Variants in EFCAB6 observed in about 807,000 individuals in gnomAD.
EFCAB6 encodes EF-hand calcium-binding domain-containing protein 6.
In EFCAB6, 156 loss-of-function variants were observed where a neutral mutation model predicts 169.8. The observed-to-expected ratio is 0.92, with a 90% CI of 0.81 to 1.05. The LOEUF is 1.05. EFCAB6 is among the 50% of genes least tolerant of loss of function. EFCAB6 has a pLI of 0.00. For missense variants in EFCAB6, 1,800 were observed against 1,829.1 expected, an observed-to-expected ratio of 0.98 and a Z score of 0.29; for synonymous variants, 698 against 676.4, an observed-to-expected ratio of 1.03 and a Z score of -0.50.
chr22:43,621,175 A>G (rs1429131034), intron 20 of EFCAB6, among the ~76,000 whole-genome samples: 2 of 149,956 alleles, frequency 1.3e-5, no homozygotes, highest in African/African-American at 4.9e-5. Context: ...TGCAACATCC[A>G]CCTCCCAGGT....
In EFCAB6 at chr22:43,572,676, G is replaced by A. The variant is rs1314527208; in HGVS notation, c.3420+3621C>T. 6.6e-6 allele frequency among the ~76,000 whole-genome samples: 1 copy of A among 151,994 alleles called. No individual in the cohort carries two copies. The highest frequency in any genetic ancestry group is 1.5e-5 in the Non-Finnish European group (1 of 67,972). ...TCACTGCTCACTCCCTCCCCTCCTCGTCGCTCGGATGTCACCCCTCGACAG... is the reference window on the plus strand; with the variant it reads ...TCACTGCTCACTCCCTCCCCTCCTCATCGCTCGGATGTCACCCCTCGACAG... On this transcript the variant is annotated intron_variant, in intron 26 of 31. Coordinates refer to ENST00000262726, the MANE Select transcript of EFCAB6 (RefSeq NM_022785.4). The surrounding 1 kb of genome is among the most constrained non-coding windows in gnomAD (Gnocchi z 4.0).
At chr22:43,546,980 TA>T (rs1433133592) in intron 27 of EFCAB6, among the ~76,000 whole-genome samples, 1 of 152,120 alleles carries the variant, frequency 6.6e-6, no homozygotes, top group Admixed American at 6.5e-5. Flanking sequence ...TGGGCGAACT[TA>T]AGATCATAAC....
At chr22:43,782,404 T>C in intron 2 of EFCAB6, 79 bp from the exon 3 acceptor site, 1 of 1,263,758 alleles carries the variant, frequency 7.9e-7, no homozygotes. Flanking sequence ...ATCTATTCCT[T>C]TTCTGAAGGG....
chr22:43,751,644 A>C (rs1369461778), intron 6 of EFCAB6, among the ~76,000 whole-genome samples: 2 of 152,180 alleles, frequency 1.3e-5, no homozygotes, highest in African/African-American at 4.8e-5. Context: ...CCAAATGCCC[A>C]CTTGAAGTAG....
chr22:43,573,358 C>T (rs2050016685), intron 26 of EFCAB6, among the ~76,000 whole-genome samples: 1 of 152,100 alleles, frequency 6.6e-6, no homozygotes. Context: ...AAAAAAAAGA[C>T]TTGCAAGAGT....
At chr22:43,771,733 C>T (rs1262181299) in intron 4 of EFCAB6, among the ~76,000 whole-genome samples, 1 of 152,158 alleles carries the variant, frequency 6.6e-6, no homozygotes, top group Non-Finnish European at 1.5e-5. Flanking sequence ...GGCCTTCATC[C>T]TCCACATCCC....
At chr22:43,626,291 G>A (rs137722) in intron 20 of EFCAB6, among the ~76,000 whole-genome samples, 156 bp downstream of exon 20, 102,847 of 152,112 alleles carry the variant, frequency 0.68, 35,222 homozygotes, top group East Asian at 0.97. Context: ...TCTACACTGA[G>A]TGCATATTTC....
At chr22:43,531,063 C>G in intron 30 of EFCAB6, 99 bp from the exon 31 acceptor site, 1 of 1,508,282 alleles carries the variant, frequency 6.6e-7, no homozygotes, top group Non-Finnish European at 9.1e-7. Flanking sequence ...AGCCCTGCTC[C>G]GGCTTCACCT....
At chr22:43,581,991 C>A (rs1192852295) in intron 24 of EFCAB6, among the ~76,000 whole-genome samples, 1 of 152,128 alleles carries the variant, frequency 6.6e-6, no homozygotes, top group Admixed American at 6.5e-5. Flanking sequence ...TTACAAGTAA[C>A]AGAGATGTTT....
At chr22:43,802,593 C>G in intron 2 of EFCAB6, 1 of 443,974 alleles carries the variant, frequency 2.3e-6, no homozygotes, top group Middle Eastern at 6.5e-4. Context: ...AGCTTGTCTG[C>G]TAAACCTGCT....
intron 22 of EFCAB6, among the ~76,000 whole-genome samples, chr22:43,607,230 C>G (rs2052988879): frequency 6.6e-6 from 1 of 152,176 alleles, no homozygotes; most frequent in Admixed American, 6.5e-5. Flanking sequence ...GCCTGCTGAA[C>G]AAGAATGTCT....
chr22:43,612,753 G>A (rs2053405432), intron 21 of EFCAB6, among the ~76,000 whole-genome samples: 1 of 152,026 alleles, frequency 6.6e-6, no homozygotes, highest in Admixed American at 6.6e-5. Context: ...AATTAGCCAG[G>A]CATGGTGGCA....
At chr22:43,688,011 G>A (rs1178892917) in intron 10 of EFCAB6, among the ~76,000 whole-genome samples, 10 of 152,176 alleles carry the variant, frequency 6.6e-5, no homozygotes, top group Admixed American at 2.6e-4. Context: ...GGTGGAGGGC[G>A]GATCTGGAGA....
Position 43,691,022 on chromosome 22 carries a change from A to G in EFCAB6, c.1032-3441T>C, listed in dbSNP as rs138563499. On this transcript the variant is annotated intron_variant, in intron 10 of 31. Coordinates refer to ENST00000262726, the MANE Select transcript of EFCAB6 (RefSeq NM_022785.4). ...CTTCTATAGCATTTTTGCTATGATT[A>G]TGATTATGGCAGCTAATACTTGATA... is the stretch of plus-strand genomic sequence containing the variant. 4.2e-3 allele frequency among the ~76,000 whole-genome samples: 637 copies of G among 152,116 alleles called. 3 individuals are homozygous for G. Among genetic ancestry groups the G allele is most frequent in the Middle Eastern group, 0.014 (4 of 294 alleles).
intron 15 of EFCAB6, among the ~76,000 whole-genome samples, chr22:43,671,199 T>C (rs776924837): frequency 2.4e-4 from 37 of 152,082 alleles, no homozygotes; most frequent in Admixed American, 1.5e-3. Context: ...CTTCTGTTTT[T>C]GTTTTTTGTT....
In EFCAB6 at chr22:43,528,858, G is replaced by A; in HGVS notation, c.4501C>T (p.Gln1501Ter). ...SYNDFLRAFL[Q>*] ...TGGGCACACAGCAGGGGTGTCTACT[G>A]GAGGAATGCCCGGAGGAAGTCGTTG... The change falls in exon 32 of 32, where the codon CAG becomes TAG. Residue 1501 changes from glutamine to a stop codon, truncating the protein, a stop_gained. Coordinates refer to ENST00000262726, the MANE Select transcript of EFCAB6 (RefSeq NM_022785.4). LOFTEE classifies it high-confidence loss of function. 6.2e-7 allele frequency: 1 copy of A among 1,607,180 alleles called. No homozygotes were observed. Among genetic ancestry groups the A allele is most frequent in the South Asian group, 1.1e-5 (1 of 90,742 alleles).
At chr22:43,561,726 G>A (rs1012580526) in intron 26 of EFCAB6, among the ~76,000 whole-genome samples, 2 of 152,226 alleles carry the variant, frequency 1.3e-5, no homozygotes, top group African/African-American at 4.8e-5. Context: ...ATGGCTCTTG[G>A]TCTGGCGCTT....
rs377416917 is a variant in EFCAB6, at chr22:43,716,817, T to C, written c.882+31A>G. 2.5e-6 allele frequency: 4 copies of C among 1,588,952 alleles called. No homozygotes were observed. In the African/African-American group the frequency reaches 4.1e-5, roughly 16 times the overall value. On this transcript the variant is annotated intron_variant, in intron 9 of 31. Coordinates refer to ENST00000262726, the MANE Select transcript of EFCAB6 (RefSeq NM_022785.4). ...TGTCTACTTTGCTGTGTTTACTCTG[T>C]AGGTAATTGTGGCTTAGGAAAACAT...
intron 9 of EFCAB6, among the ~76,000 whole-genome samples, chr22:43,716,055 A>G (rs1380280740): frequency 2.0e-5 from 3 of 152,216 alleles, no homozygotes; most frequent in African/African-American, 7.2e-5. Context: ...CTGAAGTTAA[A>G]TTTTATCAGT....
Sources: gnomAD v4.1 joint callset for allele counts (sites outside exome capture counted in the v4.1 genomes callset) on GRCh38, gnomAD v4.1.1 for gene constraint, Gnocchi (gnomAD v3.1) non-coding constraint, MANE v1.5 for transcripts, NCBI Gene and HGNC (gene_info 2026-07-23, HGNC 2026-07-21) for gene names.